Variants in CDKAL1 observed in about 807,000 individuals in gnomAD.
The protein encoded by CDKAL1 is threonylcarbamoyladenosine tRNA methylthiotransferase.
A neutral mutation model predicts 68.2 loss-of-function variants in CDKAL1; 32 were observed. That is an observed-to-expected ratio of 0.47 (90% CI 0.35 to 0.63). The LOEUF is 0.63. CDKAL1 is among the 30% of genes least tolerant of loss of function. The pLI, the probability that CDKAL1 is intolerant of heterozygous loss-of-function variation, is 0.00. For missense variants in CDKAL1, 606 were observed against 696.7 expected (o/e 0.87, Z 1.47); for synonymous variants, 234 against 244.3 (o/e 0.96, Z 0.39).
At chr6:21,008,977 G>T (rs1767875705) in intron 11 of CDKAL1, among the ~76,000 whole-genome samples, 1 of 152,120 alleles carries the variant, frequency 6.6e-6, no homozygotes, top group African/African-American at 2.4e-5. Context: ...ACCCCCGCTG[G>T]CTAATAGCTA....
At chr6:20,859,957 T>C (rs906057610) in intron 9 of CDKAL1, among the ~76,000 whole-genome samples, 1 of 152,210 alleles carries the variant, frequency 6.6e-6, no homozygotes, top group African/African-American at 2.4e-5. Context: ...CATTAAAGTG[T>C]CCACTTAAAT....
chr6:21,153,564 G>A (rs1338195756), intron 13 of CDKAL1, among the ~76,000 whole-genome samples: 5 of 152,160 alleles, frequency 3.3e-5, no homozygotes, highest in Non-Finnish European at 7.3e-5. Flanking sequence ...AAAGGAGCTG[G>A]CTTTGCTTAG....
chr6:20,794,266 T>A (rs926329028), intron 8 of CDKAL1, among the ~76,000 whole-genome samples: 2 of 152,134 alleles, frequency 1.3e-5, no homozygotes, highest in East Asian at 1.9e-4. Context: ...AAAGAAGTAG[T>A]TGAATTTAAA....
intron 9 of CDKAL1, among the ~76,000 whole-genome samples, chr6:20,854,524 A>T (rs1279335570): frequency 6.6e-6 from 1 of 152,204 alleles, no homozygotes; most frequent in African/African-American, 2.4e-5. Flanking sequence ...ACAATCAATA[A>T]TTGATTACTT....
At chr6:21,137,924 T>A (rs1041455477) in intron 13 of CDKAL1, among the ~76,000 whole-genome samples, 1 of 152,260 alleles carries the variant, frequency 6.6e-6, no homozygotes, top group African/African-American at 2.4e-5. Context: ...CAACGCTCTG[T>A]GTAGCATACG....
intron 10 of CDKAL1, among the ~76,000 whole-genome samples, chr6:20,999,711 GTT>G (rs150798875): frequency 0.12 from 17,849 of 143,338 alleles, 2,212 homozygotes; most frequent in African/African-American, 0.32. Flanking sequence ...GAGTTGTAGA[GTT>G]TTTTTCCTGA....
At chr6:21,123,598 A>G (rs1774836757) in intron 13 of CDKAL1, among the ~76,000 whole-genome samples, 1 of 152,248 alleles carries the variant, frequency 6.6e-6, no homozygotes, top group African/African-American at 2.4e-5. Flanking sequence ...CTTTTACAGT[A>G]CAACCTGGTC....
chr6:20,611,000 A>T (rs1349061159), intron 4 of CDKAL1, among the ~76,000 whole-genome samples: 1 of 152,188 alleles, frequency 6.6e-6, no homozygotes, highest in African/African-American at 2.4e-5. Flanking sequence ...GTTTAGATTC[A>T]AAGTCATTTT....
intron 13 of CDKAL1, among the ~76,000 whole-genome samples, chr6:21,131,320 T>C (rs1398361568): frequency 2.6e-5 from 4 of 152,216 alleles, no homozygotes; most frequent in Admixed American, 2.0e-4. Flanking sequence ...ATATAGACAC[T>C]GAATTTCAGA....
At chr6:21,139,792 G>A (rs923499959) in intron 13 of CDKAL1, among the ~76,000 whole-genome samples, 3 of 152,178 alleles carry the variant, frequency 2.0e-5, no homozygotes, top group Non-Finnish European at 2.9e-5. Flanking sequence ...ACAAATGTAA[G>A]CCACTGCTCC....
At chr6:20,709,729 T>G (rs890243261) in intron 5 of CDKAL1, among the ~76,000 whole-genome samples, 13 of 152,160 alleles carry the variant, frequency 8.5e-5, no homozygotes, top group African/African-American at 3.1e-4. Context: ...TTGGGTCTTT[T>G]TATATTTTTC....
chr6:20,674,494 G>A (rs759825926), intron 5 of CDKAL1, among the ~76,000 whole-genome samples: 1 of 152,112 alleles, frequency 6.6e-6, no homozygotes, highest in Non-Finnish European at 1.5e-5. Context: ...AGTACATATA[G>A]ATATTTTAGT....
chr6:20,668,702 T>A (rs1381009288), intron 5 of CDKAL1, among the ~76,000 whole-genome samples: 4 of 152,252 alleles, frequency 2.6e-5, no homozygotes, highest in African/African-American at 9.6e-5. Flanking sequence ...AGAATTAATA[T>A]TGATACAGAC....
At chr6:20,857,105 C>G (rs1282336963) in intron 9 of CDKAL1, among the ~76,000 whole-genome samples, 1 of 152,080 alleles carries the variant, frequency 6.6e-6, no homozygotes, top group Non-Finnish European at 1.5e-5. Flanking sequence ...AGAGGTTATA[C>G]GTTTCTGTAT....
intron 2 of CDKAL1, among the ~76,000 whole-genome samples, chr6:20,536,686 GGAGT>G (rs1437862036): frequency 6.6e-6 from 1 of 152,118 alleles, no homozygotes; most frequent in Non-Finnish European, 1.5e-5. Flanking sequence ...TGTCTGGAGT[GGAGT>G]TCAAGAATTT....
At chr6:21,105,078 T>C (rs1773781516) in intron 12 of CDKAL1, among the ~76,000 whole-genome samples, 1 of 152,204 alleles carries the variant, frequency 6.6e-6, no homozygotes, top group Admixed American at 6.5e-5. Context: ...ACAAAGGAAG[T>C]GTTAGCATCC....
chr6:20,575,061 A>G (rs990533543), intron 4 of CDKAL1, among the ~76,000 whole-genome samples: 1 of 152,182 alleles, frequency 6.6e-6, no homozygotes, highest in African/African-American at 2.4e-5. Context: ...GCAGAAATTT[A>G]TAAATCCTTT....
At chr6:21,136,155 T>C (rs1011713663) in intron 13 of CDKAL1, among the ~76,000 whole-genome samples, 36 of 152,240 alleles carry the variant, frequency 2.4e-4, no homozygotes, top group Non-Finnish European at 5.1e-4. Context: ...TGTGTTTACT[T>C]AGACTTCAAG....
intron 11 of CDKAL1, among the ~76,000 whole-genome samples, chr6:21,052,750 C>G (rs1460610936): frequency 1.3e-5 from 2 of 151,892 alleles, no homozygotes; most frequent in Non-Finnish European, 1.5e-5. Flanking sequence ...GCAGTTGGCT[C>G]ACACCTGTAA....
Sources: gnomAD v4.1 joint callset for allele counts (sites outside exome capture counted in the v4.1 genomes callset) on GRCh38, gnomAD v4.1.1 for gene constraint, MANE v1.5 for transcripts, NCBI Gene and HGNC (gene_info 2026-07-23, HGNC 2026-07-21) for gene names.